Variants in UNC79 observed in about 807,000 individuals in gnomAD.
UNC79 encodes unc-79 subunit of NALCN channel complex.
UNC79 carries 37 observed loss-of-function variants against 283.1 expected under a neutral mutation model. That is an observed-to-expected ratio of 0.13 (90% CI 0.10 to 0.17). UNC79 has a LOEUF of 0.17. Among genes scored for constraint, UNC79 ranks in the 10% least tolerant of loss-of-function variants. The pLI is 1.00. For synonymous variants in UNC79, 1,107 were observed against 1,200.2 expected (o/e 0.92, Z 1.61); for missense variants, 2,272 against 3,211.1 (o/e 0.71, Z 7.07).
intron 14 of UNC79, among the ~76,000 whole-genome samples, chr14:93,550,326 C>G (rs189519961): frequency 1.3e-5 from 2 of 152,080 alleles, no homozygotes; most frequent in Non-Finnish European, 2.9e-5. Context: ...TCTAGCCTGG[C>G]CAACATGGTG....
At chr14:93,391,061 T>C (rs2054872417) in intron 1 of UNC79, among the ~76,000 whole-genome samples, 1 of 152,150 alleles carries the variant, frequency 6.6e-6, no homozygotes, top group Admixed American at 6.5e-5. Flanking sequence ...ATCAAGACTT[T>C]TTCCTAAAGC....
At chr14:93,679,383 C>T (rs891588117) in intron 41 of UNC79, among the ~76,000 whole-genome samples, 8 of 152,088 alleles carry the variant, frequency 5.3e-5, no homozygotes, top group African/African-American at 1.7e-4. Context: ...CGCTTGAGCC[C>T]GGGACACAGA....
chr14:93,425,759 AAACTTTTAGAATG>A (rs1365247455), upstream of UNC79, among the ~76,000 whole-genome samples: 1 of 152,238 alleles, frequency 6.6e-6, no homozygotes, highest in Non-Finnish European at 1.5e-5. Context: ...TAAAACTTTA[AAACTTTTAGAATG>A]AAATATAAGA....
At chr14:93,653,592 T>G (rs2070558782) in intron 35 of UNC79, 150 bp from the exon 39 acceptor site, 2 of 740,456 alleles carry the variant, frequency 2.7e-6, no homozygotes, top group African/African-American at 1.8e-5. Flanking sequence ...GGGATTAGGT[T>G]TGAGTAGAAT....
chr14:93,586,371 C>T (rs755437866), intron 20 of UNC79, among the ~76,000 whole-genome samples: 8 of 152,144 alleles, frequency 5.3e-5, no homozygotes, highest in Non-Finnish European at 1.2e-4. Context: ...TGATGGACTG[C>T]GCAGTGGAAA....
intron 43 of UNC79, 78 bp downstream of exon 46, chr14:93,686,739 A>T: frequency 6.6e-7 from 1 of 1,519,346 alleles, no homozygotes; most frequent in Non-Finnish European, 9.0e-7. Flanking sequence ...GACCATAGGG[A>T]ACTTATCGCT....
Position 93,686,552 on chromosome 14 carries a change from G to C in UNC79, c.6820-20G>C. 1 of 1,613,758 alleles carries C rather than the reference G, an allele frequency of 6.2e-7. No homozygotes were observed. The highest frequency in any genetic ancestry group is 1.7e-4 in the Middle Eastern group (1 of 6,058). ...AGGGCAAAAATGAAGGTGTGACCCAGCTGTGTCCTTGTGTTTCAGTGTGGG... is the reference window on the plus strand; with the variant it reads ...AGGGCAAAAATGAAGGTGTGACCCACCTGTGTCCTTGTGTTTCAGTGTGGG... On this transcript the variant is annotated intron_variant, in intron 42 of 48. Transcript: ENST00000555664.
At chr14:93,371,700 G>A (rs2054452038) in intron 1 of UNC79, among the ~76,000 whole-genome samples, 1 of 152,128 alleles carries the variant, frequency 6.6e-6, no homozygotes, top group African/African-American at 2.4e-5. Context: ...AATTAGCCGG[G>A]CGTGGTGGCG....
intron 14 of UNC79, among the ~76,000 whole-genome samples, chr14:93,553,902 T>C (rs562537172): frequency 6.6e-6 from 1 of 152,350 alleles, no homozygotes; most frequent in African/African-American, 2.4e-5. Flanking sequence ...TTTGGAAAGC[T>C]TGTCAAATAT....
At chr14:93,347,302 C>T (rs558960564) in intron 1 of UNC79, 11 of 1,605,684 alleles carry the variant, frequency 6.9e-6, no homozygotes, top group East Asian at 6.7e-5. Flanking sequence ...TCCTGCCCGC[C>T]GCCACTACCG....
chr14:93,482,408 T>C (rs918109673), intron 4 of UNC79, among the ~76,000 whole-genome samples: 2 of 152,144 alleles, frequency 1.3e-5, no homozygotes, highest in African/African-American at 4.8e-5. Context: ...GGCTTCCAGG[T>C]CACGTTGTCT....
chr14:93,358,994 G>T (rs978487104), intron 1 of UNC79, among the ~76,000 whole-genome samples: 1 of 152,212 alleles, frequency 6.6e-6, no homozygotes, highest in Non-Finnish European at 1.5e-5. Flanking sequence ...ATTTATGTAA[G>T]CAGAAATCTG....
chr14:93,404,493 A>AAAAAAAAAATATATATATATATATATAT lies in UNC79; in HGVS notation c.-350-63177_-350-63176insAAAAAAAATATATATATATATATATATA. ...TGACAGAGTGAGACCTTCTAAAAAA[A>AAAAAAAAAATATATATATATATATATAT]ATATATATATATATATATATAAATA... On this transcript the variant is annotated intron_variant, in intron 1 of 49. Transcript: ENST00000256339. Among the ~76,000 whole-genome samples, 76 of 61,446 alleles carry AAAAAAAAAATATATATATATATATATAT rather than the reference A, an allele frequency of 1.2e-3. 1 individual carries two copies. Among genetic ancestry groups the AAAAAAAAAATATATATATATATATATAT allele is most frequent in the African/African-American group, 4.2e-3 (63 of 14,972 alleles). The allele number at this position is 61,446 out of a possible 152,430, so 40.3% of individuals were successfully genotyped here.
chr14:93,442,333 T>A (rs1184084611), intron 1 of UNC79, among the ~76,000 whole-genome samples: 2 of 152,164 alleles, frequency 1.3e-5, no homozygotes, highest in Non-Finnish European at 2.9e-5. Context: ...ATGTTGGGTG[T>A]TTTTTGCTTA....
chr14:93,480,068 A>G (rs1247950716), intron 4 of UNC79, among the ~76,000 whole-genome samples: 1 of 152,210 alleles, frequency 6.6e-6, no homozygotes, highest in Non-Finnish European at 1.5e-5. Flanking sequence ...ATAGCTGACA[A>G]TTTGTTTCTT....
At chr14:93,542,857 G>T (rs1223874827) in intron 14 of UNC79, among the ~76,000 whole-genome samples, 161 bp downstream of exon 14, 6 of 152,088 alleles carry the variant, frequency 3.9e-5, no homozygotes, top group Admixed American at 2.0e-4. Context: ...CTTGGATGAT[G>T]TGCTGCTTTG....
At chr14:93,529,495 C>T (rs889124898) in intron 10 of UNC79, among the ~76,000 whole-genome samples, 169 bp downstream of exon 10, 4 of 151,880 alleles carry the variant, frequency 2.6e-5, no homozygotes, top group African/African-American at 9.7e-5. Flanking sequence ...TATAATGTAC[C>T]CACACATTTA....
At chr14:93,555,593 G>A (rs1175948406) in intron 14 of UNC79, among the ~76,000 whole-genome samples, 1 of 152,004 alleles carries the variant, frequency 6.6e-6, no homozygotes, top group Non-Finnish European at 1.5e-5. Flanking sequence ...TAGTAGAAAT[G>A]GGGTTTCACC....
chr14:93,544,440 G>T (rs532023768), intron 14 of UNC79, among the ~76,000 whole-genome samples: 15 of 152,298 alleles, frequency 9.8e-5, no homozygotes, highest in Middle Eastern at 3.4e-3. Flanking sequence ...TTTCGGGGGG[G>T]TTAACAGAAG....
Sources: gnomAD v4.1 joint callset for allele counts (sites outside exome capture counted in the v4.1 genomes callset) on GRCh38, gnomAD v4.1.1 for gene constraint, MANE v1.5 for transcripts, NCBI Gene and HGNC (gene_info 2026-07-23, HGNC 2026-07-21) for gene names.